The following OXR1 variants were observed in gnomAD, a reference collection of about 807,000 sequenced individuals.
OXR1 encodes the protein oxidation resistance 1.
A neutral mutation model predicts 104.6 loss-of-function variants in OXR1; 41 were observed. The observed-to-expected ratio is 0.39, with a 90% CI of 0.31 to 0.51. The LOEUF is 0.51. OXR1 is among the 20% of genes least tolerant of loss of function. OXR1 has a pLI of 0.77. For missense variants in OXR1, 955 were observed against 1,031.9 expected, an observed-to-expected ratio of 0.93 and a Z score of 1.02; for synonymous variants, 348 against 348.4, an observed-to-expected ratio of 1.00 and a Z score of 0.01.
intron 11 of OXR1, among the ~76,000 whole-genome samples, chr8:106,725,849 T>C (rs1833285040): frequency 6.6e-6 from 1 of 152,254 alleles, no homozygotes; most frequent in Non-Finnish European, 1.5e-5. Flanking sequence ...AAATCATTCA[T>C]GTGCTTTAAG....
At chr8:106,568,242 T>C (rs1212515791) in intron 3 of OXR1, among the ~76,000 whole-genome samples, 1 of 152,144 alleles carries the variant, frequency 6.6e-6, no homozygotes, top group African/African-American at 2.4e-5. Flanking sequence ...CCTGAGCTAC[T>C]TCATTTGGAA....
chr8:106,499,558 G>A (rs1171240181), intron 2 of OXR1, among the ~76,000 whole-genome samples: 1 of 152,100 alleles, frequency 6.6e-6, no homozygotes, highest in African/African-American at 2.4e-5. Context: ...TGCTTTTACT[G>A]TGTAGGAATG....
At chr8:106,368,205 A>G (rs1398017712) in intron 2 of OXR1, among the ~76,000 whole-genome samples, 1 of 152,202 alleles carries the variant, frequency 6.6e-6, no homozygotes, top group African/African-American at 2.4e-5. Context: ...GTTTATGAAA[A>G]TAATTCATAT....
intron 3 of OXR1, among the ~76,000 whole-genome samples, chr8:106,589,124 CA>C (rs1447353343): frequency 6.6e-6 from 1 of 152,190 alleles, no homozygotes; most frequent in Non-Finnish European, 1.5e-5. Context: ...GTGTGAACAG[CA>C]TGCAGGGGAG....
At chr8:106,504,813 A>G (rs1812049024) in intron 2 of OXR1, among the ~76,000 whole-genome samples, 1 of 152,324 alleles carries the variant, frequency 6.6e-6, no homozygotes, top group East Asian at 1.9e-4. Context: ...AATTAGAAGT[A>G]CATATATGGA....
At chr8:106,665,782 G>C (rs1283977486) in intron 3 of OXR1, among the ~76,000 whole-genome samples, 1 of 152,088 alleles carries the variant, frequency 6.6e-6, no homozygotes, top group Non-Finnish European at 1.5e-5. Context: ...ATGTGTTTTA[G>C]GGTCAAATAC....
intron 3 of OXR1, among the ~76,000 whole-genome samples, chr8:106,546,360 G>A (rs548035827): frequency 6.6e-6 from 1 of 152,060 alleles, no homozygotes; most frequent in Non-Finnish European, 1.5e-5. Flanking sequence ...CTAACACAGT[G>A]GACTTGTTAT....
intron 2 of OXR1, among the ~76,000 whole-genome samples, chr8:106,474,163 C>G (rs1049082003): frequency 6.6e-6 from 1 of 150,536 alleles, no homozygotes; most frequent in Non-Finnish European, 1.5e-5. Flanking sequence ...AATTGACATC[C>G]CCATGTGACA....
intron 1 of OXR1, among the ~76,000 whole-genome samples, chr8:106,351,506 G>A (rs1044082038): frequency 2.0e-5 from 3 of 152,200 alleles, no homozygotes; most frequent in African/African-American, 4.8e-5. Context: ...AGAGAAAATA[G>A]CACATCAAAG....
intron 2 of OXR1, among the ~76,000 whole-genome samples, chr8:106,364,670 A>G (rs1443660402): frequency 6.6e-6 from 1 of 152,204 alleles, no homozygotes; most frequent in Non-Finnish European, 1.5e-5. Flanking sequence ...AGAAATGCAG[A>G]AAGTTTTCTT....
chr8:106,423,967 C>A (rs1041140290), intron 2 of OXR1, among the ~76,000 whole-genome samples: 1 of 152,090 alleles, frequency 6.6e-6, no homozygotes, highest in Non-Finnish European at 1.5e-5. Flanking sequence ...GACAGAGTCT[C>A]GCTGTGTGGC....
chr8:106,349,869 G>A (rs1815651709), intron 1 of OXR1, among the ~76,000 whole-genome samples: 1 of 152,190 alleles, frequency 6.6e-6, no homozygotes, highest in Non-Finnish European at 1.5e-5. Context: ...TCAGGAACAA[G>A]TGGGCGGAGT....
At chr8:106,333,021 C>G (rs1231388666) in intron 1 of OXR1, among the ~76,000 whole-genome samples, 1 of 152,100 alleles carries the variant, frequency 6.6e-6, no homozygotes, top group South Asian at 2.1e-4. Context: ...TGTGCATATA[C>G]TATATTTTGT....
At chr8:106,483,371 A>G (rs546754909) in intron 2 of OXR1, among the ~76,000 whole-genome samples, 23 of 151,980 alleles carry the variant, frequency 1.5e-4, no homozygotes, top group African/African-American at 5.5e-4. Flanking sequence ...TGATAATGTC[A>G]TTATTAGGAA....
At chr8:106,734,218 G>C (rs1257260959) in intron 11 of OXR1, among the ~76,000 whole-genome samples, 1 of 151,948 alleles carries the variant, frequency 6.6e-6, no homozygotes, top group Non-Finnish European at 1.5e-5. Context: ...TTTAATTTGG[G>C]CAAAATGGGG....
chr8:106,741,588 AC>A (rs1222007567), intron 14 of OXR1, among the ~76,000 whole-genome samples: 2 of 152,158 alleles, frequency 1.3e-5, no homozygotes, highest in Admixed American at 1.3e-4. Context: ...GTCAGGATAG[AC>A]AGTGACTGTA....
intron 1 of OXR1, among the ~76,000 whole-genome samples, chr8:106,279,657 C>A (rs115338941): frequency 6.6e-6 from 1 of 152,102 alleles, no homozygotes; most frequent in Non-Finnish European, 1.5e-5. Context: ...ATTTAGATTA[C>A]TTTGTGGAAG....
At chr8:106,726,233 C>A in intron 11 of OXR1, 2 of 1,521,392 alleles carry the variant, frequency 1.3e-6, no homozygotes, top group African/African-American at 1.4e-5. Context: ...TTAATTTGCC[C>A]TGGAAAGGAA....
intron 3 of OXR1, among the ~76,000 whole-genome samples, chr8:106,546,995 A>G (rs1163499256): frequency 6.6e-6 from 1 of 152,122 alleles, no homozygotes; most frequent in Admixed American, 6.6e-5. Context: ...GTTTTAAGCA[A>G]TTCTCCTGCC....
Sources: gnomAD v4.1 joint callset for allele counts (sites outside exome capture counted in the v4.1 genomes callset) on GRCh38, gnomAD v4.1.1 for gene constraint, MANE v1.5 for transcripts, NCBI Gene and HGNC (gene_info 2026-07-23, HGNC 2026-07-21) for gene names.